CLVS1: variants seen among roughly 807,000 people sequenced by gnomAD.
The protein encoded by CLVS1 is clavesin-1.
Under a neutral mutation model 33.1 loss-of-function variants are expected in CLVS1, and 10 were observed. The ratio of observed to expected loss-of-function variants is 0.30; its 90% CI spans 0.19 to 0.51. CLVS1 has a LOEUF of 0.51. Among genes scored for constraint, CLVS1 ranks in the 20% least tolerant of loss-of-function variants. The pLI is 0.97. For synonymous variants in CLVS1, 163 were observed against 166.1 expected, an observed-to-expected ratio of 0.98 and a Z score of 0.14; for missense variants, 343 against 433.4, an observed-to-expected ratio of 0.79 and a Z score of 1.85.
At chr8:61,183,156 G>T (rs1416552421) in intron 2 of CLVS1, among the ~76,000 whole-genome samples, 8 of 150,768 alleles carry the variant, frequency 5.3e-5, no homozygotes, top group Non-Finnish European at 1.2e-4. Flanking sequence ...GCAGGGCGGA[G>T]GGGGGCAGGC....
intron 3 of CLVS1, among the ~76,000 whole-genome samples, chr8:61,432,043 A>G (rs573777214): frequency 6.6e-6 from 1 of 152,354 alleles, no homozygotes; most frequent in Admixed American, 6.5e-5. Context: ...GGTTTGGCCA[A>G]TGCATATCTT....
chr8:61,169,728 C>G (rs764549851), intron 2 of CLVS1, among the ~76,000 whole-genome samples: 2 of 152,264 alleles, frequency 1.3e-5, no homozygotes, highest in Non-Finnish European at 2.9e-5. Context: ...TTCCCTCTCC[C>G]CTATAAAGAT....
chr8:61,374,634 C>T (rs1158673875), intron 2 of CLVS1, among the ~76,000 whole-genome samples: 1 of 152,142 alleles, frequency 6.6e-6, no homozygotes, highest in Non-Finnish European at 1.5e-5. Flanking sequence ...TATTCTACAA[C>T]AACAGGAATA....
intron 1 of CLVS1, among the ~76,000 whole-genome samples, chr8:61,098,138 T>A (rs1377648781): frequency 6.6e-6 from 1 of 152,088 alleles, no homozygotes; most frequent in Non-Finnish European, 1.5e-5. Flanking sequence ...CCAGCCTGAG[T>A]GACAGAGCGA....
intron 2 of CLVS1, among the ~76,000 whole-genome samples, chr8:61,330,933 A>G (rs1302087294): frequency 6.6e-6 from 1 of 151,988 alleles, no homozygotes; most frequent in Non-Finnish European, 1.5e-5. Context: ...CAAAAAAAAA[A>G]AAAAATTAGC....
intron 3 of CLVS1, among the ~76,000 whole-genome samples, chr8:61,426,755 A>AT (rs900935320): frequency 6.6e-6 from 1 of 152,098 alleles, no homozygotes; most frequent in Admixed American, 6.6e-5. Context: ...CTGTATCTTC[A>AT]TTTTTATCAC....
intron 3 of CLVS1, among the ~76,000 whole-genome samples, chr8:61,424,557 T>C (rs1815808351): frequency 6.6e-6 from 1 of 152,224 alleles, no homozygotes; most frequent in African/African-American, 2.4e-5. Flanking sequence ...AATTGTACTT[T>C]TCTTCTAAAT....
chr8:61,033,161 A>AAGAAAGAAAAAG, the CLVS1 span, among the ~76,000 whole-genome samples: 18,429 of 91,614 alleles, frequency 0.2, 4,859 homozygotes, highest in East Asian at 0.31. Flanking sequence ...GAAAGAAAGA[A>AAGAAAGAAAAAG]AAAGAAAGAA....
At chr8:61,424,922 A>C (rs1045370981) in intron 3 of CLVS1, among the ~76,000 whole-genome samples, 1 of 152,204 alleles carries the variant, frequency 6.6e-6, no homozygotes, top group African/African-American at 2.4e-5. Flanking sequence ...ATTTATCCAC[A>C]AGGATATTAA....
At chr8:61,297,795 GGGTAAATGGAGTTACAGAAAAGAAT>G (rs1167684650) in intron 1 of CLVS1, among the ~76,000 whole-genome samples, 10 of 152,106 alleles carry the variant, frequency 6.6e-5, no homozygotes, top group Non-Finnish European at 1.3e-4. Context: ...GACAAATCAA[GGGTAAATGGAGTTACAGAAAAGAAT>G]GGTAAAATGG....
intron 3 of CLVS1, among the ~76,000 whole-genome samples, chr8:61,386,696 A>T (rs75323992): frequency 0.026 from 4,020 of 152,246 alleles, 160 homozygotes; most frequent in African/African-American, 0.091. Flanking sequence ...AACCATAGGG[A>T]ATGACAACTA....
chr8:61,274,286 A>G (rs1809522399), intron 2 of CLVS1, among the ~76,000 whole-genome samples: 1 of 152,126 alleles, frequency 6.6e-6, no homozygotes, highest in Admixed American at 6.5e-5. Flanking sequence ...TTCTGTTGCC[A>G]TCTGCTTGGA....
At chr8:61,027,656 T>A in the CLVS1 span, among the ~76,000 whole-genome samples, 1 of 152,096 alleles carries the variant, frequency 6.6e-6, no homozygotes, top group Non-Finnish European at 1.5e-5. Flanking sequence ...CCTTACTGAG[T>A]GTTATTCTCT....
chr8:61,351,369 A>G (rs1812455166), intron 2 of CLVS1, among the ~76,000 whole-genome samples: 1 of 152,114 alleles, frequency 6.6e-6, no homozygotes, highest in Non-Finnish European at 1.5e-5. Flanking sequence ...GTTTAAGGAC[A>G]GATCAATAGA....
the CLVS1 span, among the ~76,000 whole-genome samples, chr8:61,027,156 A>T: frequency 6.6e-6 from 1 of 152,232 alleles, no homozygotes. Flanking sequence ...GCATGAAGGA[A>T]ATGAACATGA....
At chr8:61,139,423 A>C (rs1003577810) in intron 2 of CLVS1, among the ~76,000 whole-genome samples, 1 of 152,218 alleles carries the variant, frequency 6.6e-6, no homozygotes, top group Non-Finnish European at 1.5e-5. Context: ...GTCAATTAGC[A>C]TCTTATCTGC....
At chr8:61,063,295 T>G (rs4737574) in intron 1 of CLVS1, among the ~76,000 whole-genome samples, 44,704 of 93,308 alleles carry the variant, frequency 0.48, 8,086 homozygotes, top group East Asian at 0.63. Context: ...GAGAGAGAGA[T>G]AGAGAGAGAG....
intron 2 of CLVS1, among the ~76,000 whole-genome samples, chr8:61,339,024 G>A (rs1563503605): frequency 6.6e-6 from 1 of 152,070 alleles, no homozygotes; most frequent in Non-Finnish European, 1.5e-5. Context: ...GTGTGTGTGT[G>A]TGTGTGCTTC....
chr8:61,305,295 C>T (rs1458056228), intron 2 of CLVS1, among the ~76,000 whole-genome samples: 5 of 151,836 alleles, frequency 3.3e-5, no homozygotes, highest in South Asian at 2.1e-4. Context: ...GCAGTACCTA[C>T]GTTTATATTC....
Sources: allele counts gnomAD v4.1 joint callset (sites outside exome capture counted in the v4.1 genomes callset), GRCh38; gene constraint gnomAD v4.1.1; transcripts MANE v1.5; gene names NCBI Gene and HGNC (gene_info 2026-07-23, HGNC 2026-07-21).